Variants in CEACAM20 observed in about 807,000 individuals in gnomAD.
CEACAM20 encodes the protein CEA cell adhesion molecule 20.
CEACAM20 carries 50 observed loss-of-function variants against 61.2 expected under a neutral mutation model. That is an observed-to-expected ratio of 0.82 (90% CI 0.65 to 1.03). CEACAM20 has a LOEUF of 1.03. CEACAM20 is among the 50% of genes least tolerant of loss of function. CEACAM20 has a pLI of 0.00. For missense variants in CEACAM20, 683 were observed against 736.4 expected, an observed-to-expected ratio of 0.93 and a Z score of 0.84; for synonymous variants, 282 against 287.7, an observed-to-expected ratio of 0.98 and a Z score of 0.20.
chr19:44,517,705 A>G (rs921842363), intron 5 of CEACAM20, among the ~76,000 whole-genome samples: 1 of 151,468 alleles, frequency 6.6e-6, no homozygotes, highest in Non-Finnish European at 1.5e-5. Flanking sequence ...TCAAAAAAAA[A>G]AAAAAAAGAA....
At chr19:44,523,224 C>G (rs1359759065) in intron 3 of CEACAM20, among the ~76,000 whole-genome samples, 2 of 151,838 alleles carry the variant, frequency 1.3e-5, no homozygotes, top group Non-Finnish European at 2.9e-5. Flanking sequence ...GTCAGGGCAA[C>G]ATACCAAGAT....
chr19:44,528,234 CTTT>C (rs1256971655), intron 1 of CEACAM20, among the ~76,000 whole-genome samples: 6 of 129,106 alleles, frequency 4.6e-5, no homozygotes, highest in Non-Finnish European at 1.0e-4. Flanking sequence ...TTTCTTTCTT[CTTT>C]TTCTTTTTTT....
chr19:44,518,153 AG>A (rs1599676208), intron 5 of CEACAM20, among the ~76,000 whole-genome samples: 4,504 of 78,044 alleles, frequency 0.058, 374 homozygotes, highest in Middle Eastern at 0.09. Flanking sequence ...GAAGGAAGGA[AG>A]GAAGGAAGGA....
At chr19:44,511,938 C>T in intron 9 of CEACAM20, 79 bp downstream of exon 9, 1 of 1,360,696 alleles carries the variant, frequency 7.3e-7, no homozygotes, top group Non-Finnish European at 1.0e-6. Context: ...AAAGATCATG[C>T]CAGCCCCCAC....
chr19:44,509,227 GTAAAA>G (rs1451061987), intron 11 of CEACAM20, among the ~76,000 whole-genome samples: 1 of 151,900 alleles, frequency 6.6e-6, no homozygotes, highest in Non-Finnish European at 1.5e-5. Flanking sequence ...AAGAAATAAA[GTAAAA>G]TAAAATGGAG....
Position 44,529,639 on chromosome 19 carries a change from C to G in CEACAM20, c.-130G>C. 1 of 709,206 alleles carries G rather than the reference C, an allele frequency of 1.4e-6. No individual in the cohort carries two copies. The highest frequency in any genetic ancestry group is 2.3e-5 in the Admixed American group (1 of 42,632). The allele number at this position is 709,206 out of a possible 1,614,324, so 43.9% of individuals were successfully genotyped here. On this transcript the variant is annotated 5_prime_UTR_variant, in exon 1 of 12. Coordinates refer to ENST00000614924, the MANE Select transcript of CEACAM20 (RefSeq NM_001102597.3). ...CCTCTCCCACCCTGCTACAAACTCA[C>G]ACACACACTGCAGTAACTGCAGCTC...
At chr19:44,521,548 G>A (rs527982658) in intron 4 of CEACAM20, among the ~76,000 whole-genome samples, 12 of 152,170 alleles carry the variant, frequency 7.9e-5, no homozygotes, top group Admixed American at 3.9e-4. Context: ...GTGAGTTTGT[G>A]TATATGTGTT....
Position 44,506,182 on chromosome 19 carries a change from G to C in CEACAM20, c.1770C>G (p.Ile590Met), listed in dbSNP as rs746909031. The change falls in exon 12 of 12, where the codon ATC becomes ATG. Residue 590 changes from isoleucine to methionine, a missense_variant. Coordinates refer to ENST00000614924, the MANE Select transcript of CEACAM20 (RefSeq NM_001102597.3). ...TCCATTAGACGGAGGGGTTGATTTG[G>C]ATGTAAGTGTTGGGCTCTGGATTCA... ...ELVNPEPNTY[I>M]QINPSV The C allele has an allele frequency of 6.2e-7, 1 of 1,613,826 alleles. No homozygotes were observed.
chr19:44,514,961 C>T (rs1971111555), intron 6 of CEACAM20, among the ~76,000 whole-genome samples: 1 of 152,016 alleles, frequency 6.6e-6, no homozygotes, highest in Non-Finnish European at 1.5e-5. Context: ...GTCTCAGCCT[C>T]CCGAGTAGTG....
chr19:44,523,964 G>C (rs1322071775), intron 3 of CEACAM20, 22 bp downstream of exon 3: 1 of 1,540,182 alleles, frequency 6.5e-7, no homozygotes, highest in Admixed American at 2.0e-5. Flanking sequence ...TGAGGGGTTG[G>C]AGAGAATGGA....
intron 5 of CEACAM20, among the ~76,000 whole-genome samples, chr19:44,517,506 G>T (rs1971202037): frequency 6.6e-6 from 1 of 151,788 alleles, no homozygotes. Flanking sequence ...GACCATTCTG[G>T]CTAACATGGT....
chr19:44,516,723 C>T (rs1459965848), intron 6 of CEACAM20, among the ~76,000 whole-genome samples: 1 of 152,218 alleles, frequency 6.6e-6, no homozygotes, highest in Non-Finnish European at 1.5e-5. Context: ...AACTGAAGCT[C>T]AGAACAGCTT....
chr19:44,518,883 T>C lies in CEACAM20; in HGVS notation c.1030+1591A>G, dbSNP rs1029652124. ...ACTGTCCCTCCTGTGTTCAGAACCC[T>C]CTGTGGCTCCCCAGTGCCCTTGGGA... On this transcript the variant is annotated intron_variant, in intron 5 of 11. Transcript: ENST00000614924. 7.2e-5 allele frequency among the ~76,000 whole-genome samples: 11 copies of C among 152,230 alleles called. No individual in the cohort carries two copies. In the East Asian group the frequency reaches 2.1e-3, roughly 29 times the overall value.
chr19:44,522,396 C>T (rs770123734), intron 4 of CEACAM20, among the ~76,000 whole-genome samples: 1 of 152,198 alleles, frequency 6.6e-6, no homozygotes, highest in Non-Finnish European at 1.5e-5. Context: ...AGCCACTGCA[C>T]CCGGCCTCTT....
chr19:44,529,015 A>G (rs1340190591), intron 1 of CEACAM20, among the ~76,000 whole-genome samples: 1 of 123,050 alleles, frequency 8.1e-6, no homozygotes, highest in Non-Finnish European at 1.6e-5. Context: ...CTAGAGTGCT[A>G]TGGTGTCATC....
In CEACAM20 at chr19:44,517,090, G is replaced by T. The variant is rs188664990; in HGVS notation, c.1165C>A (p.Leu389Ile). 3.8e-5 allele frequency: 61 copies of T among 1,611,342 alleles called. No homozygotes were observed. The Admixed American group carries it at 8.7e-4, about 23-fold the overall frequency. Residue 389 changes from leucine (L) to isoleucine (I), a missense_variant, in exon 6 of 12, where the codon CTT (leucine) becomes ATT (isoleucine). By Grantham distance (5) the Leu-to-Ile change is conservative. Transcript: ENST00000614924. ...AGGTGCTCCCCGGTGGAGTGTTCAA[G>T]AGTCCAGCGATACTCAGCACCTGGC... is the stretch of plus-strand genomic sequence containing the variant. ...SKPGAEYRWT[L>I]EHSTGEHLGE... is the part of the protein sequence containing the mutation.
chr19:44,525,271 G>T (rs778961901), intron 1 of CEACAM20, 27 bp from the exon 2 acceptor site: 1 of 1,552,188 alleles, frequency 6.4e-7, no homozygotes, highest in African/African-American at 1.4e-5. Flanking sequence ...GAGGCATTCA[G>T]GGAGGGAGAG....
chr19:44,517,493 C>T (rs1267818747), intron 5 of CEACAM20, among the ~76,000 whole-genome samples: 2 of 151,764 alleles, frequency 1.3e-5, no homozygotes, highest in Non-Finnish European at 2.9e-5. Flanking sequence ...GTCAGGAGAT[C>T]GAGACCATTC....
rs1971016177 is a variant in CEACAM20 at position 44,512,030 on chromosome 19, A to C, written c.1562T>G (p.Ile521Ser). 3.1e-6 allele frequency: 5 copies of C among 1,609,640 alleles called. No homozygotes were observed. Among genetic ancestry groups the C allele is most frequent in the Non-Finnish European group, 4.2e-6 (5 of 1,178,116 alleles). Reference sequence around the variant, plus strand: ...AGCATCACTCACCAGTTCGACTCTGATCCGTCCCTGAAGCTGGGATATATT... The same window carrying C: ...AGCATCACTCACCAGTTCGACTCTGCTCCGTCCCTGAAGCTGGGATATATT... ...YRNISQLQGR[I>S]RVELMQPPDL... The change falls in exon 9 of 12, where the codon ATC becomes AGC. Residue 521 changes from isoleucine (I) to serine (S), a missense_variant. By Grantham distance (142) the Ile-to-Ser change is moderately radical (BLOSUM62 -2). Coordinates refer to ENST00000614924, the MANE Select transcript of CEACAM20 (RefSeq NM_001102597.3).
Sources: gnomAD v4.1 joint callset for allele counts (sites outside exome capture counted in the v4.1 genomes callset) on GRCh38, gnomAD v4.1.1 for gene constraint, MANE v1.5 for transcripts, NCBI Gene and HGNC (gene_info 2026-07-23, HGNC 2026-07-21) for gene names.